PGM5: variants seen among roughly 807,000 people sequenced by gnomAD.
The protein encoded by PGM5 is phosphoglucomutase-like protein 5.
Under a neutral mutation model 59.2 loss-of-function variants are expected in PGM5, and 23 were observed. The observed-to-expected ratio is 0.39, with a 90% CI of 0.28 to 0.55. PGM5 has a LOEUF of 0.55. Among genes scored for constraint, PGM5 ranks in the 20% least tolerant of loss-of-function variants. The pLI is 0.66. For synonymous variants in PGM5, 214 were observed against 286.0 expected, an observed-to-expected ratio of 0.75 and a Z score of 2.54; for missense variants, 574 against 748.3, an observed-to-expected ratio of 0.77 and a Z score of 2.72.
At position 68,357,017 on chromosome 9, in the gene PGM5, G is replaced by A. The variant is rs1225303845; in HGVS notation, c.-111G>A. ...AGGGCGCCGACCTGCTGGAGAGGGGGCCCGGGCGCGAGGCGGAGTCCCGGC... is the reference window on the plus strand; with the variant it reads ...AGGGCGCCGACCTGCTGGAGAGGGGACCCGGGCGCGAGGCGGAGTCCCGGC... On this transcript the variant is annotated 5_prime_UTR_variant, in exon 1 of 11. Transcript: ENST00000396396. 10 of 1,156,400 alleles carry A rather than the reference G, an allele frequency of 8.6e-6. No individual in the cohort carries two copies. The highest frequency in any genetic ancestry group is 1.1e-5 in the Non-Finnish European group (10 of 875,652). 71.6% of individuals were successfully genotyped at this position (1,156,400 alleles called of 1,614,324 possible).
intron 6 of PGM5, chr9:68,426,905 T>C (rs1554682739): frequency 6.6e-6 from 1 of 152,230 alleles, no homozygotes; most frequent in Non-Finnish European, 1.5e-5. Context: ...CAGGACAAGA[T>C]TGTGCCTTAA....
At chr9:68,491,999 A>C (rs537232199) in intron 9 of PGM5, among the ~76,000 whole-genome samples, 1 of 152,360 alleles carries the variant, frequency 6.6e-6, no homozygotes, top group Non-Finnish European at 1.5e-5. Context: ...CTAAAGTGTC[A>C]GTAGTAAAAT....
intron 6 of PGM5, among the ~76,000 whole-genome samples, chr9:68,402,801 A>G (rs1373856204): frequency 2.0e-5 from 3 of 152,178 alleles, no homozygotes; most frequent in African/African-American, 7.2e-5. Flanking sequence ...GTGAAAGAGC[A>G]TTGCAGTTCT....
chr9:68,431,157 AG>A (rs1554683003), intron 6 of PGM5, among the ~76,000 whole-genome samples: 1 of 152,230 alleles, frequency 6.6e-6, no homozygotes, highest in Non-Finnish European at 1.5e-5. Flanking sequence ...TACAGATCCT[AG>A]CCACATCGTC....
chr9:68,510,452 A>G (rs1564025852), intron 10 of PGM5, among the ~76,000 whole-genome samples: 1 of 152,024 alleles, frequency 6.6e-6, no homozygotes. Context: ...TGCCTGGCCG[A>G]AATCAGTTAT....
At chr9:68,479,361 A>T in intron 7 of PGM5, 57 bp from the exon 8 acceptor site, 1 of 1,532,686 alleles carries the variant, frequency 6.5e-7, no homozygotes, top group Non-Finnish European at 8.8e-7. Flanking sequence ...TAATTCATTT[A>T]GCTTTTGCTT....
chr9:68,422,892 G>A (rs1397629219), intron 6 of PGM5, among the ~76,000 whole-genome samples: 18 of 152,052 alleles, frequency 1.2e-4, no homozygotes, highest in South Asian at 4.2e-4. Flanking sequence ...CCTTTCCCCC[G>A]TGTCCCCAAA....
intron 1 of PGM5, among the ~76,000 whole-genome samples, chr9:68,362,864 TC>T (rs1456579243): frequency 2.1e-5 from 3 of 141,794 alleles, no homozygotes; most frequent in African/African-American, 7.8e-5. Flanking sequence ...TTTTTCTTTT[TC>T]TTTTTTTTTT....
chr9:68,405,303 A>G (rs1398342838), intron 6 of PGM5: 2 of 152,264 alleles, frequency 1.3e-5, no homozygotes, highest in Admixed American at 1.3e-4. Context: ...CTAAGAATGC[A>G]TACATTTGTC....
At chr9:68,372,279 C>CT (rs1426242490) in intron 1 of PGM5, among the ~76,000 whole-genome samples, 3 of 122,862 alleles carry the variant, frequency 2.4e-5, no homozygotes, top group Non-Finnish European at 5.2e-5. Flanking sequence ...GAATCTGCTC[C>CT]CGCCTCTTCC....
At chr9:68,419,211 G>A (rs1554682197) in intron 6 of PGM5, among the ~76,000 whole-genome samples, 1 of 152,146 alleles carries the variant, frequency 6.6e-6, no homozygotes, top group African/African-American at 2.4e-5. Context: ...TGTAGATTTT[G>A]TTGTCTAAGA....
chr9:68,519,963 A>C (rs1228731405), intron 10 of PGM5, among the ~76,000 whole-genome samples: 1 of 151,148 alleles, frequency 6.6e-6, no homozygotes, highest in East Asian at 1.9e-4. Context: ...GATGGTGTGC[A>C]CTTGTAGTCC....
chr9:68,472,085 G>T lies in PGM5; in HGVS notation c.1159+6877G>T, dbSNP rs143241381. On this transcript the variant is annotated intron_variant, in intron 7 of 10. Transcript: ENST00000396396. The stretch of plus-strand genomic sequence containing the variant: ...ATGGTTAATGTGCTCCCTGCTCTGG[G>T]ATGGATGGCTTGATGCCTCCTAAGT... 1.8e-3 allele frequency among the ~76,000 whole-genome samples: 280 copies of T among 152,280 alleles called. 1 individual carries two copies. Among genetic ancestry groups the T allele is most frequent in the African/African-American group, 6.6e-3 (274 of 41,556 alleles).
intron 6 of PGM5, among the ~76,000 whole-genome samples, chr9:68,430,022 C>G (rs1256691691): frequency 6.6e-6 from 1 of 152,160 alleles, no homozygotes; most frequent in South Asian, 2.1e-4. Flanking sequence ...TTTATTTTCT[C>G]AACATCTTTG....
At chr9:68,361,072 C>T (rs1286738257) in intron 1 of PGM5, among the ~76,000 whole-genome samples, 23 of 152,138 alleles carry the variant, frequency 1.5e-4, no homozygotes, top group African/African-American at 5.6e-4. Flanking sequence ...GTGCACACCA[C>T]CATGCCCAGC....
intron 6 of PGM5, among the ~76,000 whole-genome samples, chr9:68,416,511 C>A (rs1823034892): frequency 6.6e-6 from 1 of 152,198 alleles, no homozygotes; most frequent in Admixed American, 6.5e-5. Context: ...TTCCTCCCTA[C>A]AAAATAAACT....
intron 6 of PGM5, among the ~76,000 whole-genome samples, chr9:68,450,605 A>G (rs560069233): frequency 6.6e-6 from 1 of 152,362 alleles, no homozygotes; most frequent in African/African-American, 2.4e-5. Context: ...AGTTTACATC[A>G]TATGAAGTAA....
chr9:68,389,121 T>C (rs1401925857), intron 4 of PGM5, among the ~76,000 whole-genome samples: 2 of 152,080 alleles, frequency 1.3e-5, no homozygotes, highest in Non-Finnish European at 2.9e-5. Flanking sequence ...CTTCCAGTCC[T>C]TTAGTTCTAC....
In PGM5 at chr9:68,391,560, C is replaced by T. The variant is rs1822364507; in HGVS notation, c.724C>T (p.Leu242=). Residue 242 remains leucine, a synonymous_variant, in exon 5 of 11, where the codon CTG becomes TTG. Coordinates refer to ENST00000396396, the MANE Select transcript of PGM5 (RefSeq NM_021965.4). Reference sequence around the variant, plus strand: ...TATGGGACCTTATGTGAGAAAAGTTCTGTGTGATGAGCTGGGGGCCCCAGC... The same window carrying T: ...TATGGGACCTTATGTGAGAAAAGTTTTGTGTGATGAGCTGGGGGCCCCAGC... ...GVMGPYVRKV[L]CDELGAPANS... The T allele has an allele frequency of 6.2e-7, 1 of 1,613,274 alleles. No individual in the cohort carries two copies.
Sources: allele counts gnomAD v4.1 joint callset (sites outside exome capture counted in the v4.1 genomes callset), GRCh38; gene constraint gnomAD v4.1.1; transcripts MANE v1.5; gene names NCBI Gene and HGNC (gene_info 2026-07-23, HGNC 2026-07-21).